The following RNF13 variants were observed in gnomAD, a reference collection of about 807,000 sequenced individuals.
RNF13 encodes ring finger protein 13.
RNF13 carries 19 observed loss-of-function variants against 37.7 expected under a neutral mutation model. The ratio of observed to expected loss-of-function variants is 0.50; its 90% CI spans 0.35 to 0.74. RNF13 has a LOEUF of 0.74. Among genes scored for constraint, RNF13 ranks in the 30% least tolerant of loss-of-function variants. The pLI is 0.01. For synonymous variants in RNF13, 144 were observed against 157.8 expected (o/e 0.91, Z 0.65); for missense variants, 375 against 453.0 (o/e 0.83, Z 1.56).
chr3:149,877,882 C>T (rs1223450945), intron 4 of RNF13, among the ~76,000 whole-genome samples: 1 of 152,076 alleles, frequency 6.6e-6, no homozygotes, highest in Admixed American at 6.5e-5. Context: ...CTAATTCATT[C>T]ATTCATTTGT....
chr3:149,932,382 A>T (rs1020629167), intron 8 of RNF13, among the ~76,000 whole-genome samples: 4 of 152,168 alleles, frequency 2.6e-5, no homozygotes, highest in African/African-American at 9.7e-5. Flanking sequence ...TCTTCCCAGT[A>T]GTATCCAAAG....
chr3:149,891,712 G>A (rs1714716752), intron 4 of RNF13, among the ~76,000 whole-genome samples: 1 of 152,092 alleles, frequency 6.6e-6, no homozygotes, highest in African/African-American at 2.4e-5. Context: ...CAGTTTTGGT[G>A]GCTGTTTTGG....
At chr3:149,817,383 G>T (rs796498916) in intron 1 of RNF13, 98 of 152,286 alleles carry the variant, frequency 6.4e-4, no homozygotes, top group African/African-American at 2.3e-3. Flanking sequence ...TCAAAAAATA[G>T]CTAGTAAATT....
chr3:149,902,677 A>C (rs929737962), intron 6 of RNF13, among the ~76,000 whole-genome samples: 2 of 152,246 alleles, frequency 1.3e-5, no homozygotes, highest in African/African-American at 4.8e-5. Context: ...TACAAAGATA[A>C]CATACAGACT....
intron 8 of RNF13, among the ~76,000 whole-genome samples, chr3:149,946,973 A>G (rs1014585530): frequency 6.6e-6 from 1 of 151,862 alleles, no homozygotes; most frequent in Non-Finnish European, 1.5e-5. Flanking sequence ...TTTCATTTTC[A>G]TTTATCTCCA....
chr3:149,918,933 T>G (rs1251870675), intron 7 of RNF13, among the ~76,000 whole-genome samples: 1 of 152,212 alleles, frequency 6.6e-6, no homozygotes, highest in East Asian at 1.9e-4. Flanking sequence ...TTATACAATG[T>G]GATACACTCC....
At chr3:149,846,161 T>A (rs756667833) in intron 2 of RNF13, 21 bp downstream of exon 2, 2 of 1,464,266 alleles carry the variant, frequency 1.4e-6, no homozygotes, top group East Asian at 4.5e-5. Flanking sequence ...TAAAATTTAT[T>A]CATGTCTAGA....
intron 1 of RNF13, among the ~76,000 whole-genome samples, chr3:149,841,005 C>T (rs1293688551): frequency 2.0e-5 from 3 of 152,216 alleles, no homozygotes; most frequent in South Asian, 2.1e-4. Flanking sequence ...GCTCCAGCTT[C>T]GCTCAAGCAT....
At chr3:149,905,612 T>A (rs1399568332) in intron 6 of RNF13, among the ~76,000 whole-genome samples, 4 of 152,072 alleles carry the variant, frequency 2.6e-5, no homozygotes, top group Non-Finnish European at 4.4e-5. Flanking sequence ...TGAGTCTTAA[T>A]AAAGTTTTCC....
At chr3:149,838,127 A>G (rs1208046051) in intron 1 of RNF13, among the ~76,000 whole-genome samples, 7 of 152,350 alleles carry the variant, frequency 4.6e-5, no homozygotes, top group Non-Finnish European at 8.8e-5. Flanking sequence ...GGTCACGCTG[A>G]TGCAAGAGGT....
At chr3:149,880,912 C>T (rs1713316316) in intron 4 of RNF13, among the ~76,000 whole-genome samples, 1 of 152,064 alleles carries the variant, frequency 6.6e-6, no homozygotes, top group Admixed American at 6.6e-5. Flanking sequence ...TGACTGCAAC[C>T]CACCCACAGT....
chr3:149,865,995 T>G (rs1724778322), intron 3 of RNF13, among the ~76,000 whole-genome samples: 1 of 152,210 alleles, frequency 6.6e-6, no homozygotes, highest in Non-Finnish European at 1.5e-5. Flanking sequence ...GCCATTTTTA[T>G]GATTATTTCT....
intron 8 of RNF13, among the ~76,000 whole-genome samples, chr3:149,941,718 T>C (rs1052769211): frequency 6.6e-6 from 1 of 151,746 alleles, no homozygotes; most frequent in African/African-American, 2.4e-5. Context: ...TTTTTTTCTT[T>C]TGTTGCCTGT....
At chr3:149,859,066 C>T (rs1367922988) in intron 3 of RNF13, among the ~76,000 whole-genome samples, 1 of 152,120 alleles carries the variant, frequency 6.6e-6, no homozygotes, top group Non-Finnish European at 1.5e-5. Context: ...TGTATTTTTC[C>T]TCTCAGAACA....
chr3:149,911,936 C>T, intron 6 of RNF13, 42 bp from the exon 7 acceptor site: 1 of 1,005,536 alleles, frequency 9.9e-7, no homozygotes, highest in Admixed American at 1.9e-5. Flanking sequence ...CAGAATTTAA[C>T]AACTCTTCAT....
chr3:149,945,731 C>T (rs975510431), intron 8 of RNF13, among the ~76,000 whole-genome samples: 1 of 152,174 alleles, frequency 6.6e-6, no homozygotes, highest in African/African-American at 2.4e-5. Context: ...TCTGGAGGAA[C>T]AATCTGGCAG....
intron 3 of RNF13, among the ~76,000 whole-genome samples, chr3:149,865,773 G>A (rs1046881825): frequency 6.6e-6 from 1 of 152,028 alleles, no homozygotes; most frequent in African/African-American, 2.4e-5. Flanking sequence ...ATTGTTAGGT[G>A]GTTTATTTGA....
chr3:149,864,718 A>T (rs1021346113), intron 3 of RNF13, among the ~76,000 whole-genome samples: 9 of 152,222 alleles, frequency 5.9e-5, no homozygotes, highest in Admixed American at 2.0e-4. Flanking sequence ...GGTTATAGTC[A>T]TTAAATGTTT....
At chr3:149,949,132 TTA>T (rs1362428945) in intron 8 of RNF13, among the ~76,000 whole-genome samples, 1 of 152,228 alleles carries the variant, frequency 6.6e-6, no homozygotes, top group Non-Finnish European at 1.5e-5. Flanking sequence ...TACCTGGGAC[TTA>T]TGTTTTTATT....
Sources: allele counts gnomAD v4.1 joint callset (sites outside exome capture counted in the v4.1 genomes callset), GRCh38; gene constraint gnomAD v4.1.1; transcripts MANE v1.5; gene names NCBI Gene and HGNC (gene_info 2026-07-23, HGNC 2026-07-21).